OGFOD2: variants seen among roughly 807,000 people sequenced by gnomAD.
OGFOD2 encodes the protein 2-oxoglutarate and iron-dependent oxygenase domain-containing protein 2.
OGFOD2 carries 34 observed loss-of-function variants against 31.1 expected under a neutral mutation model. That is an observed-to-expected ratio of 1.09 (90% CI 0.83 to 1.45). The LOEUF (loss-of-function observed/expected upper bound fraction) is 1.45, where lower values mean the gene tolerates loss of function less well. Ranked by LOEUF, OGFOD2 falls within the 40% of genes most tolerant of loss-of-function variation. The probability of loss-of-function intolerance (pLI) is 0.00; values close to 1 mark genes in which losing one functional copy is unlikely to be tolerated. For synonymous variants in OGFOD2, 240 were observed against 192.3 expected (o/e 1.25, Z -2.05); for missense variants, 537 against 433.9 (o/e 1.24, Z -2.11).
At chr12:122,976,172 C>G (rs883562) in intron 2 of OGFOD2, 377,503 of 594,890 alleles carry the variant, frequency 0.63, 127,517 homozygotes, top group Non-Finnish European at 0.7. Context: ...CTTGCCCAAG[C>G]TTTTACAGCA....
chr12:122,978,286 C>T lies in OGFOD2; in HGVS notation c.404-156C>T, dbSNP rs561928387. On this transcript the variant is annotated intron_variant, in intron 4 of 6. Transcript: ENST00000228922. ...AGTGGGGGGCATGGGAATCGGCCTC[C>T]CCTGCTCCTCATGTTACTTCCTTAA... 1.4e-4 allele frequency: 128 copies of T among 883,446 alleles called. No individual in the cohort carries two copies. The African/African-American group carries it at 1.9e-3, about 13-fold the overall frequency. 54.7% of individuals were successfully genotyped at this position (883,446 alleles called of 1,614,324 possible). A position where few individuals can be genotyped will look rare whatever the true frequency, so the allele number is the denominator to read the frequency against.
chr12:122,976,042 G>A (rs942789146), intron 2 of OGFOD2, 175 bp downstream of exon 2: 1 of 604,460 alleles, frequency 1.7e-6, no homozygotes, highest in African/African-American at 1.8e-5. Context: ...CACCAGGAGA[G>A]AGAAGGGGAA....
intron 4 of OGFOD2, chr12:122,977,197 C>T (rs565762425): frequency 1.0e-5 from 6 of 576,792 alleles, no homozygotes; most frequent in East Asian, 6.4e-5. Flanking sequence ...ACCCTTCCTT[C>T]GTGCCCTCAT....
chr12:122,975,750 TAGAG>T (rs80324678), intron 1 of OGFOD2, 57 bp from the exon 2 acceptor site: 156,957 of 684,044 alleles, frequency 0.23, 22,239 homozygotes, highest in Non-Finnish European at 0.3. Flanking sequence ...AACTGAGGCT[TAGAG>T]AGTGAAGGGA....
At chr12:122,975,271 C>T (rs559826945) in exon 1 of OGFOD2, 6 of 687,730 alleles carry the variant, frequency 8.7e-6, no homozygotes, top group South Asian at 3.0e-5. Context: ...GTGGGGGCTC[C>T]GCGGCACTTC....
At chr12:122,975,412 C>T in intron 1 of OGFOD2, 29 bp downstream of exon 1, 1 of 682,508 alleles carries the variant, frequency 1.5e-6, no homozygotes, top group Non-Finnish European at 2.7e-6. Context: ...CCCTACGGAG[C>T]AGTGGGCAGA....
chr12:122,978,949 T>C (rs1289075620), exon 6 of OGFOD2: 1 of 1,613,162 alleles, frequency 6.2e-7, no homozygotes, highest in Non-Finnish European at 8.5e-7. Context: ...GAGCTCACCC[T>C]CAATGTGGCC....
At chr12:122,978,820 C>G (rs758902745) in exon 6 of OGFOD2, 2 of 1,612,642 alleles carry the variant, frequency 1.2e-6, no homozygotes, top group Non-Finnish European at 1.7e-6. Flanking sequence ...TTCCTGCAGC[C>G]GCTGATGGCC....
intron 2 of OGFOD2, chr12:122,976,186 G>T: frequency 1.7e-6 from 1 of 599,952 alleles, no homozygotes; most frequent in Non-Finnish European, 3.0e-6. Flanking sequence ...TACAGCAGGA[G>T]CAGATGTGAT....
chr12:122,979,495 C>G, exon 7 of OGFOD2: 2 of 1,036,398 alleles, frequency 1.9e-6, no homozygotes, highest in Non-Finnish European at 2.7e-6. Flanking sequence ...AAGATGCTGC[C>G]TTAGTTCAGG....
chr12:122,979,604 G>A (rs925285470), exon 7 of OGFOD2: 21 of 525,716 alleles, frequency 4.0e-5, no homozygotes, highest in African/African-American at 2.8e-4. Flanking sequence ...TTCAGAGGAC[G>A]TCCAGCCTCA....
At position 122,975,881 on chromosome 12, in the gene OGFOD2, G is replaced by A; in HGVS notation, c.189+14G>A. ...CTGTTAGCAGAGGTACCAGTCCCCT[G>A]CCCCTGCACAGCTCCTCCTCGTTAG... On this transcript the variant is annotated intron_variant, in intron 2 of 6. Transcript: ENST00000228922. 1 of 700,698 alleles carries A rather than the reference G, an allele frequency of 1.4e-6. No homozygotes were observed. The highest frequency in any genetic ancestry group is 1.5e-5 in the South Asian group (1 of 67,554). 43.4% of individuals were successfully genotyped at this position (700,698 alleles called of 1,614,324 possible).
chr12:122,977,126 G>C (rs2037458442), intron 4 of OGFOD2, 156 bp downstream of exon 4: 1 of 707,142 alleles, frequency 1.4e-6, no homozygotes, highest in Non-Finnish European at 2.6e-6. Context: ...GCCAGGAGCA[G>C]GACATCCGCA....
chr12:122,978,991 A>G (rs1183270394), exon 6 of OGFOD2: 1 of 1,612,758 alleles, frequency 6.2e-7, no homozygotes, highest in Non-Finnish European at 8.5e-7. Context: ...GGCGCCCTGT[A>G]TTTTGGGGGC....
chr12:122,975,504 T>G (rs2037389738), intron 1 of OGFOD2, 121 bp downstream of exon 1: 1 of 592,152 alleles, frequency 1.7e-6, no homozygotes, highest in African/African-American at 1.9e-5. Flanking sequence ...AATACAAGAA[T>G]GACGGCCTCT....
At chr12:122,978,897 C>T in exon 6 of OGFOD2, 1 of 1,612,870 alleles carries the variant, frequency 6.2e-7, no homozygotes, top group Non-Finnish European at 8.5e-7. Context: ...CAAATACGCA[C>T]CGGGCCAGGA....
intron 4 of OGFOD2, chr12:122,977,203 C>T (rs2037461518): frequency 1.8e-6 from 1 of 562,002 alleles, no homozygotes; most frequent in Non-Finnish European, 3.3e-6. Context: ...CCTTCGTGCC[C>T]TCATCCAGCA....
In OGFOD2 at chr12:122,975,953, C is replaced by A; in HGVS notation, c.189+86C>A. On this transcript the variant is annotated intron_variant, in intron 2 of 6. Transcript: ENST00000228922. ...ACACAGCTTGAGCCTAGCCTCAGTC[C>A]CTGATCCCTGAAGGGTCACTTAGGC... 3 of 678,558 alleles carry A rather than the reference C, an allele frequency of 4.4e-6. No homozygotes were observed. In the East Asian group the frequency reaches 8.2e-5, roughly 19 times the overall value. The allele number at this position is 678,558 out of a possible 1,614,324, so 42.0% of individuals were successfully genotyped here. A position where few individuals can be genotyped will look rare whatever the true frequency, so the allele number is the denominator to read the frequency against.
upstream of OGFOD2, chr12:122,974,989 C>T (rs1172923511): frequency 8.6e-6 from 3 of 349,778 alleles, no homozygotes; most frequent in African/African-American, 6.3e-5. Flanking sequence ...AAGGCACGAC[C>T]CAGTTCAGCT....
Sources: allele counts gnomAD v4.1 joint callset, GRCh38; gene constraint gnomAD v4.1.1; transcripts MANE v1.5; gene names NCBI Gene and HGNC (gene_info 2026-07-23, HGNC 2026-07-21).